CDH12: variants seen among roughly 807,000 people sequenced by gnomAD.
CDH12 encodes the protein cadherin-12.
CDH12 carries 41 observed loss-of-function variants against 74.1 expected under a neutral mutation model. The ratio of observed to expected loss-of-function variants is 0.55; its 90% CI spans 0.43 to 0.72. CDH12 has a LOEUF of 0.72. Among genes scored for constraint, CDH12 ranks in the 30% least tolerant of loss-of-function variants. CDH12 has a pLI of 0.00. For synonymous variants in CDH12, 399 were observed against 355.0 expected (o/e 1.12, Z -1.39); for missense variants, 945 against 977.2 (o/e 0.97, Z 0.44).
chr5:22,749,101 T>C (rs1016091089), intron 1 of CDH12, among the ~76,000 whole-genome samples: 1 of 152,222 alleles, frequency 6.6e-6, no homozygotes, highest in Non-Finnish European at 1.5e-5. Context: ...GTGCAATATT[T>C]GGCCCTGGTG....
At chr5:21,778,466 C>CAAAAAAAAAAAAAAAAAAAAAAA (rs70957061) in intron 11 of CDH12, among the ~76,000 whole-genome samples, 1 of 52,614 alleles carries the variant, frequency 1.9e-5, no homozygotes, top group Non-Finnish European at 3.1e-5. Flanking sequence ...GCATATAAGC[C>CAAAAAAAAAAAAAAAAAAAAAAA]AAAAAAAAAA....
chr5:22,708,699 A>G (rs1231917461), intron 1 of CDH12, among the ~76,000 whole-genome samples: 3 of 152,216 alleles, frequency 2.0e-5, no homozygotes, highest in Non-Finnish European at 4.4e-5. Flanking sequence ...CTCAAAATCT[A>G]TATGAAATGC....
intron 5 of CDH12, among the ~76,000 whole-genome samples, chr5:22,034,748 C>A (rs556858036): frequency 2.0e-5 from 3 of 151,872 alleles, no homozygotes; most frequent in African/African-American, 7.3e-5. Context: ...AATTCAATTG[C>A]CAATTATCGA....
chr5:21,921,108 TC>T (rs1327761296), intron 6 of CDH12, among the ~76,000 whole-genome samples: 1 of 152,182 alleles, frequency 6.6e-6, no homozygotes, highest in African/African-American at 2.4e-5. Flanking sequence ...ATAAGATTGA[TC>T]AATGCATTTG....
At chr5:22,393,403 A>C (rs1282823281) in intron 3 of CDH12, among the ~76,000 whole-genome samples, 1 of 152,200 alleles carries the variant, frequency 6.6e-6, no homozygotes, top group African/African-American at 2.4e-5. Flanking sequence ...TAAGACTTCC[A>C]GCCTCTAACA....
intron 6 of CDH12, among the ~76,000 whole-genome samples, chr5:21,942,939 C>T (rs1755404323): frequency 6.6e-6 from 1 of 152,158 alleles, no homozygotes; most frequent in Admixed American, 6.6e-5. Context: ...TCGTAATCCC[C>T]ATAATGCCCA....
intron 9 of CDH12, among the ~76,000 whole-genome samples, chr5:21,812,987 T>C (rs1382109956): frequency 6.6e-6 from 1 of 152,222 alleles, no homozygotes; most frequent in Non-Finnish European, 1.5e-5. Context: ...TGATAATATT[T>C]ATACAAATAT....
chr5:22,245,197 T>G (rs574225763), intron 3 of CDH12, among the ~76,000 whole-genome samples: 1 of 152,210 alleles, frequency 6.6e-6, no homozygotes, highest in Non-Finnish European at 1.5e-5. Flanking sequence ...CGAAGGGGGA[T>G]GTGCTGTGGT....
chr5:22,798,935 C>G (rs900550076), intron 1 of CDH12, among the ~76,000 whole-genome samples: 1 of 151,948 alleles, frequency 6.6e-6, no homozygotes, highest in African/African-American at 2.4e-5. Context: ...GCCAGCATGA[C>G]AAGAAACCCC....
At chr5:22,041,310 A>G in intron 5 of CDH12, among the ~76,000 whole-genome samples, 1 of 152,154 alleles carries the variant, frequency 6.6e-6, no homozygotes, top group East Asian at 1.9e-4. Context: ...GGCAGTAGTA[A>G]GTCCTTATCT....
chr5:21,903,656 C>T (rs1015082747), intron 6 of CDH12, among the ~76,000 whole-genome samples: 8 of 152,178 alleles, frequency 5.3e-5, no homozygotes, highest in African/African-American at 1.4e-4. Flanking sequence ...AGAACTCCAA[C>T]AGCCAGGTTT....
At chr5:22,663,689 A>G (rs1404917745) in intron 1 of CDH12, among the ~76,000 whole-genome samples, 1 of 152,182 alleles carries the variant, frequency 6.6e-6, no homozygotes, top group African/African-American at 2.4e-5. Flanking sequence ...ATGACAGTTT[A>G]TCACCCACTT....
At chr5:22,623,327 G>A (rs868405573) in intron 1 of CDH12, among the ~76,000 whole-genome samples, 7 of 152,258 alleles carry the variant, frequency 4.6e-5, no homozygotes, top group Admixed American at 3.3e-4. Flanking sequence ...CAATCAGGCA[G>A]GAGAAAGAAA....
chr5:22,236,827 C>T (rs933311340), intron 3 of CDH12, among the ~76,000 whole-genome samples: 1 of 152,048 alleles, frequency 6.6e-6, no homozygotes, highest in African/African-American at 2.4e-5. Context: ...ATTTCACCAC[C>T]TTTCACCTCC....
intron 3 of CDH12, among the ~76,000 whole-genome samples, chr5:22,268,186 A>G (rs1736221605): frequency 1.3e-5 from 2 of 152,084 alleles, no homozygotes; most frequent in Non-Finnish European, 2.9e-5. Flanking sequence ...GAAGCCATGT[A>G]TTACTTTGAA....
intron 2 of CDH12, among the ~76,000 whole-genome samples, chr5:22,430,350 A>T (rs888253639): frequency 5.8e-4 from 88 of 152,204 alleles, no homozygotes; most frequent in African/African-American, 2.0e-3. Flanking sequence ...TCAGTTAAAG[A>T]GAAGAAGGAA....
At chr5:22,777,326 C>T (rs1747154555) in intron 1 of CDH12, among the ~76,000 whole-genome samples, 2 of 152,028 alleles carry the variant, frequency 1.3e-5, no homozygotes, top group Admixed American at 6.6e-5. Context: ...AGGTGTTATT[C>T]AGTTGATACA....
At chr5:22,244,513 AAAAAAAAAAAAAAAAAAAAAGAAG>A (rs1447235506) in intron 3 of CDH12, among the ~76,000 whole-genome samples, 10 of 33,750 alleles carry the variant, frequency 3.0e-4, no homozygotes, top group African/African-American at 5.9e-4. Context: ...AAAAAAAAAA[AAAAAAAAAAAAAAAAAAAAAGAAG>A]AAGAAGAAGA....
At chr5:22,347,474 A>C (rs1740167163) in intron 3 of CDH12, among the ~76,000 whole-genome samples, 1 of 152,114 alleles carries the variant, frequency 6.6e-6, no homozygotes, top group Admixed American at 6.6e-5. Context: ...CCACAGACTG[A>C]AGACCGCACC....
Sources: gnomAD v4.1 joint callset for allele counts (sites outside exome capture counted in the v4.1 genomes callset) on GRCh38, gnomAD v4.1.1 for gene constraint, MANE v1.5 for transcripts, NCBI Gene and HGNC (gene_info 2026-07-23, HGNC 2026-07-21) for gene names.